The following RBFOX1 variants were observed in gnomAD, a reference collection of about 807,000 sequenced individuals.
RBFOX1 encodes the protein RNA binding protein fox-1 homolog 1.
RBFOX1 carries 8 observed loss-of-function variants against 57.7 expected under a neutral mutation model. The observed-to-expected ratio is 0.14, with a 90% CI of 0.08 to 0.25. The LOEUF is 0.25. RBFOX1 is among the 10% of genes least tolerant of loss of function. The pLI, the probability that RBFOX1 is intolerant of heterozygous loss-of-function variation, is 1.00. For missense variants in RBFOX1, 611 were observed against 548.5 expected (o/e 1.11, Z -1.14); for synonymous variants, 326 against 222.4 (o/e 1.47, Z -4.15).
intron 1 of RBFOX1, among the ~76,000 whole-genome samples, chr16:6,125,443 G>A (rs865788209): frequency 3.3e-4 from 50 of 152,158 alleles, no homozygotes; most frequent in African/African-American, 1.1e-3. Context: ...TGGGTACATG[G>A]CTAGGCCTTC....
rs142992901 is a variant in RBFOX1, at chr16:7,318,273, G to C, written c.28-199874G>C. Among the ~76,000 whole-genome samples, 45 of 152,064 alleles carry C rather than the reference G, an allele frequency of 3.0e-4. 1 individual carries two copies. The East Asian group carries it at 8.3e-3, about 28-fold the overall frequency. ...GTGATGGCAGTGATGGTGGATGGTA[G>C]TGTTGGTGATAGTAATGGTGGTAGT... On this transcript the variant is annotated intron_variant, in intron 4 of 15. Transcript: ENST00000550418.
At chr16:7,534,997 G>C (rs1464202640) in intron 5 of RBFOX1, among the ~76,000 whole-genome samples, 1 of 152,178 alleles carries the variant, frequency 6.6e-6, no homozygotes, top group African/African-American at 2.4e-5. Context: ...TTACAGCTCT[G>C]TTAACTCCCA....
At chr16:5,433,718 C>T (rs1379284638) in intron 1 of RBFOX1, among the ~76,000 whole-genome samples, 1 of 152,162 alleles carries the variant, frequency 6.6e-6, no homozygotes, top group African/African-American at 2.4e-5. Context: ...AACTGCTTTC[C>T]CTCTCCTTTC....
intron 2 of RBFOX1, among the ~76,000 whole-genome samples, chr16:6,518,424 C>A (rs1351142148): frequency 6.6e-6 from 1 of 152,068 alleles, no homozygotes; most frequent in African/African-American, 2.4e-5. Flanking sequence ...AATCAGGGGC[C>A]AGGTGATGAC....
At chr16:6,978,303 C>G (rs571693057) in intron 3 of RBFOX1, among the ~76,000 whole-genome samples, 2 of 152,274 alleles carry the variant, frequency 1.3e-5, no homozygotes, top group South Asian at 4.1e-4. Context: ...TGGTACTATG[C>G]AAGAAATTGG....
At chr16:5,552,572 G>C (rs2045506606) in intron 2 of RBFOX1, among the ~76,000 whole-genome samples, 1 of 152,150 alleles carries the variant, frequency 6.6e-6, no homozygotes, top group African/African-American at 2.4e-5. Flanking sequence ...CCACCCACAG[G>C]AATTTCAAAC....
At chr16:5,517,152 C>G (rs2043822616) in intron 2 of RBFOX1, among the ~76,000 whole-genome samples, 1 of 152,060 alleles carries the variant, frequency 6.6e-6, no homozygotes, top group African/African-American at 2.4e-5. Context: ...GCTGTGGTCA[C>G]CAGGAGCAGA....
At chr16:6,211,810 G>A (rs2097299725) in intron 1 of RBFOX1, among the ~76,000 whole-genome samples, 1 of 149,636 alleles carries the variant, frequency 6.7e-6, no homozygotes. Flanking sequence ...TCCACTTAAA[G>A]GAATACATCT....
intron 3 of RBFOX1, chr16:6,723,759 G>A (rs1192529037): frequency 6.6e-6 from 1 of 152,058 alleles, no homozygotes; most frequent in Non-Finnish European, 1.5e-5. Context: ...AGTTAGACAG[G>A]AACCTGGTGA....
At chr16:6,540,801 C>T (rs142617067) in intron 2 of RBFOX1, among the ~76,000 whole-genome samples, 13 of 152,214 alleles carry the variant, frequency 8.5e-5, no homozygotes, top group Non-Finnish European at 1.3e-4. Context: ...GCTTATCTTA[C>T]TCTAGCTGTA....
intron 3 of RBFOX1, among the ~76,000 whole-genome samples, chr16:6,896,859 G>T (rs1252434321): frequency 3.3e-5 from 5 of 152,100 alleles, no homozygotes; most frequent in Non-Finnish European, 7.4e-5. Context: ...AAAAATCAGT[G>T]GAAGAGTGGT....
intron 4 of RBFOX1, among the ~76,000 whole-genome samples, chr16:7,288,390 G>T (rs1485764625): frequency 6.6e-6 from 1 of 152,182 alleles, no homozygotes; most frequent in African/African-American, 2.4e-5. Context: ...ATTTAAATAA[G>T]TTATTTATCT....
At chr16:7,217,056 T>TCC (rs1322387691) in intron 4 of RBFOX1, among the ~76,000 whole-genome samples, 1 of 56,040 alleles carries the variant, frequency 1.8e-5, no homozygotes, top group Non-Finnish European at 3.4e-5. Context: ...TCCCTCCCTC[T>TCC]CTCTCCCTCT....
intron 2 of RBFOX1, among the ~76,000 whole-genome samples, chr16:6,604,751 A>G (rs2097903135): frequency 6.6e-6 from 1 of 152,192 alleles, no homozygotes. Context: ...TTCAATAGGA[A>G]TATATGATTC....
chr16:7,484,832 C>T (rs1022002100), intron 4 of RBFOX1, among the ~76,000 whole-genome samples: 49 of 152,236 alleles, frequency 3.2e-4, no homozygotes, highest in African/African-American at 1.0e-3. Context: ...CATGGATATC[C>T]TCTGGGCTCT....
chr16:5,311,995 AT>A (rs2064103366), intron 1 of RBFOX1, among the ~76,000 whole-genome samples: 1 of 152,182 alleles, frequency 6.6e-6, no homozygotes, highest in Non-Finnish European at 1.5e-5. Context: ...GCCATGTTCT[AT>A]TAATGCCTGA....
At chr16:6,714,392 G>A (rs768010405) in intron 3 of RBFOX1, among the ~76,000 whole-genome samples, 5 of 152,054 alleles carry the variant, frequency 3.3e-5, no homozygotes, top group Admixed American at 1.3e-4. Flanking sequence ...GGGAGAAAAG[G>A]CCACCTGCAG....
intron 4 of RBFOX1, among the ~76,000 whole-genome samples, chr16:7,154,004 A>G (rs8053601): frequency 0.39 from 59,589 of 151,988 alleles, 12,943 homozygotes; most frequent in African/African-American, 0.59. Context: ...TTGATTCTCA[A>G]TTTATCCATC....
intron 3 of RBFOX1, among the ~76,000 whole-genome samples, chr16:5,847,832 C>G (rs2056795410): frequency 6.6e-6 from 1 of 152,016 alleles, no homozygotes; most frequent in South Asian, 2.1e-4. Context: ...GTGTTTCGCC[C>G]CATGCTCTGT....
Sources: allele counts gnomAD v4.1 joint callset (sites outside exome capture counted in the v4.1 genomes callset), GRCh38; gene constraint gnomAD v4.1.1; transcripts MANE v1.5; gene names NCBI Gene and HGNC (gene_info 2026-07-23, HGNC 2026-07-21).